Variants in ZRANB1 observed in about 807,000 individuals in gnomAD.
ZRANB1 encodes the protein ubiquitin thioesterase ZRANB1.
A neutral mutation model predicts 80.5 loss-of-function variants in ZRANB1; 16 were observed. That is an observed-to-expected ratio of 0.20 (90% CI 0.13 to 0.30). The LOEUF (loss-of-function observed/expected upper bound fraction) is 0.30. ZRANB1 is among the 10% of genes least tolerant of loss of function. ZRANB1 has a pLI of 1.00. For missense variants in ZRANB1, 576 were observed against 862.6 expected (o/e 0.67, Z 4.16); for synonymous variants, 291 against 293.1 (o/e 0.99, Z 0.07).
chr10:124,947,321 G>T (rs979181515), intron 1 of ZRANB1, among the ~76,000 whole-genome samples: 2 of 152,086 alleles, frequency 1.3e-5, no homozygotes, highest in African/African-American at 4.8e-5. Context: ...TTTTTAGGGC[G>T]GTCATGTGAG....
chr10:124,983,608 G>C lies in ZRANB1; in HGVS notation c.1828G>C (p.Asp610His). The part of the protein sequence containing the change: ...RGAGANLNTD[D>H]DVTITFLPLV... ...TGCTGGTGCTAATCTCAATACCGAT[G>C]ATGATGTCACCATCACATTTTTGCC... Residue 610 changes from aspartate to histidine, a missense_variant, in exon 8 of 9, where the codon GAT (aspartate) becomes CAT (histidine). Coordinates refer to ENST00000359653, the MANE Select transcript of ZRANB1 (RefSeq NM_017580.3). The surrounding 1 kb of genome is among the most constrained non-coding windows in gnomAD (Gnocchi z 6.2). 1 of 1,613,954 alleles carries C rather than the reference G, an allele frequency of 6.2e-7. No individual in the cohort carries two copies. Among genetic ancestry groups the C allele is most frequent in the Non-Finnish European group, 8.5e-7 (1 of 1,179,918 alleles).
chr10:124,939,714 A>G (rs996271690), upstream of ZRANB1, among the ~76,000 whole-genome samples: 1 of 152,202 alleles, frequency 6.6e-6, no homozygotes, highest in African/African-American at 2.4e-5. Flanking sequence ...TATCTTGTTA[A>G]TAAGTTTCTA....
the ZRANB1 span, among the ~76,000 whole-genome samples, chr10:124,932,636 G>A: frequency 6.6e-6 from 1 of 152,198 alleles, no homozygotes; most frequent in Non-Finnish European, 1.5e-5. Flanking sequence ...GATAGCATTT[G>A]TTAGTGTCAG....
At chr10:124,930,614 T>TA in the ZRANB1 span, among the ~76,000 whole-genome samples, 7 of 152,204 alleles carry the variant, frequency 4.6e-5, no homozygotes, top group Admixed American at 6.5e-5. Flanking sequence ...TATCAAGAGA[T>TA]GAAAGTGGTT....
At position 124,942,808 on chromosome 10, in the gene ZRANB1, C is replaced by T; in HGVS notation, c.315C>T (p.Thr105=). The change falls in exon 1 of 9, where the codon ACC becomes ACT. Residue 105 remains threonine (T), a synonymous_variant. Coordinates refer to ENST00000359653, the MANE Select transcript of ZRANB1 (RefSeq NM_017580.3). ...YLNWPRAIRC[T]QCLSQRRTRS... is the part of the protein sequence containing the mutation. ...ACTGGCCAAGAGCAATCAGATGTAC[C>T]CAGTGCTTATCCCAACGTAGGACCA... is the stretch of plus-strand genomic sequence containing the variant. The T allele has an allele frequency of 6.2e-7, 1 of 1,614,164 alleles. No homozygotes were observed. Among genetic ancestry groups the T allele is most frequent in the Non-Finnish European group, 8.5e-7 (1 of 1,180,036 alleles).
At chr10:124,921,552 A>G in the ZRANB1 span, among the ~76,000 whole-genome samples, 1 of 152,130 alleles carries the variant, frequency 6.6e-6, no homozygotes, top group East Asian at 1.9e-4. Context: ...TTGGCACTAA[A>G]CCATCTTGAC....
intron 1 of ZRANB1, among the ~76,000 whole-genome samples, chr10:124,948,846 A>C (rs1017623592): frequency 6.6e-6 from 1 of 152,226 alleles, no homozygotes; most frequent in Non-Finnish European, 1.5e-5. Context: ...CTAGGCACTC[A>C]GGTATTTTTA....
At chr10:124,960,228 A>G (rs1272997851) in intron 1 of ZRANB1, among the ~76,000 whole-genome samples, 2 of 152,150 alleles carry the variant, frequency 1.3e-5, no homozygotes, top group African/African-American at 4.8e-5. Flanking sequence ...GTGGCAAATT[A>G]TAGGAGCTTT....
In ZRANB1 at chr10:124,987,321, C is replaced by T. The variant is rs1278898432; in HGVS notation, c.*2329C>T. 6.6e-6 allele frequency: 1 copy of T among 152,148 alleles called. No homozygotes were observed. Among genetic ancestry groups the T allele is most frequent in the African/African-American group, 2.4e-5 (1 of 41,220 alleles). 9.4% of individuals were successfully genotyped at this position (152,148 alleles called of 1,614,324 possible). On this transcript the variant is annotated 3_prime_UTR_variant, in exon 9 of 9. Coordinates refer to ENST00000359653, the MANE Select transcript of ZRANB1 (RefSeq NM_017580.3). Reference sequence around the variant, plus strand: ...GGTTCTTTTTCTAGAGCAAACAGAGCGTGGCATTTTGTTTTGACTTGTTCT... The same window carrying T: ...GGTTCTTTTTCTAGAGCAAACAGAGTGTGGCATTTTGTTTTGACTTGTTCT...
the ZRANB1 span, among the ~76,000 whole-genome samples, chr10:124,926,539 A>G: frequency 6.6e-6 from 1 of 152,204 alleles, no homozygotes; most frequent in South Asian, 2.1e-4. Flanking sequence ...TTCGGGGGCA[A>G]TAACATGCGT....
chr10:124,971,987 G>A lies in ZRANB1; in HGVS notation c.1025G>A (p.Cys342Tyr). Residue 342 changes from cysteine to tyrosine, a missense_variant, in exon 3 of 9, where the codon TGT becomes TAT. By Grantham distance (194) the Cys-to-Tyr change is radical. This residue lies in a region of ZRANB1 where 411 missense variants were observed against 583.1 expected (regional missense o/e 0.70). Transcript: ENST00000359653. ...AAGGTGTCTCAACAAGCAGCAAAGT[G>A]TATTCCAGCAATGGTGTGTCCTGAA... ...LTEVSQQAAKCIPAMVCPELT... is the reference protein window; with the variant it reads ...LTEVSQQAAKYIPAMVCPELT... 1 of 1,604,730 alleles carries A rather than the reference G, an allele frequency of 6.2e-7. No homozygotes were observed.
chr10:124,937,300 C>T (rs546871733), upstream of ZRANB1, among the ~76,000 whole-genome samples: 70 of 150,844 alleles, frequency 4.6e-4, 1 homozygote, highest in African/African-American at 1.4e-3. Context: ...GATTATCTTG[C>T]CTCAGCCTCC....
chr10:124,970,833 G>GTTTT lies in ZRANB1; in HGVS notation c.1003-1111_1003-1108dup, dbSNP rs34391929. Reference sequence around the variant, plus strand: ...GGGTTCCCACGGTATTCTCTTTGGGGTTTTTTTTTTTTTTTTTTTTTTTTG... The same window carrying GTTTT: ...GGGTTCCCACGGTATTCTCTTTGGGGTTTTTTTTTTTTTTTTTTTTTTTTTTTTG... On this transcript the variant is annotated intron_variant, in intron 2 of 8. Transcript: ENST00000359653. Among the ~76,000 whole-genome samples, 175 of 85,386 alleles carry GTTTT rather than the reference G, an allele frequency of 2.0e-3. 3 individuals are homozygous for GTTTT. The highest frequency in any genetic ancestry group is 0.011 in the Middle Eastern group (1 of 90). 56.0% of individuals were successfully genotyped at this position (85,386 alleles called of 152,430 possible).
In ZRANB1 at chr10:124,972,128, A is replaced by C. The variant is rs771686390; in HGVS notation, c.1156+10A>C. On this transcript the variant is annotated intron_variant, in intron 3 of 8. Transcript: ENST00000359653. The stretch of plus-strand genomic sequence containing the variant: ...TTTACATTGCCAGCAGGTAACTCCA[A>C]AATCTAACGTAAAAAGACTTTTTTA... 30 of 1,606,262 alleles carry C rather than the reference A, an allele frequency of 1.9e-5. No individual in the cohort carries two copies. In the Admixed American group the frequency reaches 4.3e-4, roughly 23 times the overall value.
chr10:124,918,517 T>C, the ZRANB1 span, among the ~76,000 whole-genome samples: 3 of 152,234 alleles, frequency 2.0e-5, no homozygotes, highest in Non-Finnish European at 2.9e-5. Context: ...CTGGGACCTA[T>C]TATATAATGA....
At chr10:124,974,783 T>G (rs1476431244) in intron 5 of ZRANB1, among the ~76,000 whole-genome samples, 1 of 152,144 alleles carries the variant, frequency 6.6e-6, no homozygotes, top group Non-Finnish European at 1.5e-5. Flanking sequence ...TTTTTAGGGA[T>G]TGATTGACTG....
At chr10:124,969,496 A>C (rs1339269176) in intron 2 of ZRANB1, among the ~76,000 whole-genome samples, 1 of 152,176 alleles carries the variant, frequency 6.6e-6, no homozygotes, top group African/African-American at 2.4e-5. Context: ...ACAGGAGAAC[A>C]TTAGAGTTGG....
chr10:124,922,544 G>T, the ZRANB1 span, among the ~76,000 whole-genome samples: 1 of 148,986 alleles, frequency 6.7e-6, no homozygotes, highest in African/African-American at 2.5e-5. Flanking sequence ...CCAGGCTGGA[G>T]TACAATGGCA....
At chr10:124,932,169 AT>A in the ZRANB1 span, among the ~76,000 whole-genome samples, 1 of 152,068 alleles carries the variant, frequency 6.6e-6, no homozygotes, top group African/African-American at 2.4e-5. Flanking sequence ...GCTGTATAAT[AT>A]TCCATTGTCT....
Sources: gnomAD v4.1 joint callset for allele counts (sites outside exome capture counted in the v4.1 genomes callset) on GRCh38, gnomAD v4.1.1 for gene constraint, gnomAD v4.1.1 regional missense constraint, Gnocchi (gnomAD v3.1) non-coding constraint, MANE v1.5 for transcripts, NCBI Gene and HGNC (gene_info 2026-07-23, HGNC 2026-07-21) for gene names.